The following MMAA variants were observed in gnomAD, a reference collection of about 807,000 sequenced individuals.
MMAA encodes the protein methylmalonic aciduria type A protein, mitochondrial.
MMAA carries 41 observed loss-of-function variants against 45.0 expected under a neutral mutation model. The observed-to-expected ratio is 0.91, with a 90% CI of 0.71 to 1.18. The LOEUF (loss-of-function observed/expected upper bound fraction) is 1.18, where lower values mean the gene tolerates loss of function less well. Among genes scored for constraint, MMAA ranks in the 50% most tolerant of loss-of-function variants. The pLI, the probability that MMAA is intolerant of heterozygous loss-of-function variation, is 0.00. For synonymous variants in MMAA, 154 were observed against 178.2 expected (o/e 0.86, Z 1.08); for missense variants, 460 against 495.7 (o/e 0.93, Z 0.68).
At chr4:145,649,924 T>A (rs1728043356) in intron 4 of MMAA, among the ~76,000 whole-genome samples, 1 of 152,122 alleles carries the variant, frequency 6.6e-6, no homozygotes, top group African/African-American at 2.4e-5. Context: ...ACTACAGGTA[T>A]ACCACCATGC....
intron 4 of MMAA, among the ~76,000 whole-genome samples, chr4:145,648,173 A>G (rs1445715750): frequency 1.5e-5 from 2 of 132,416 alleles, no homozygotes; most frequent in African/African-American, 5.9e-5. Context: ...TTAAAGACAG[A>G]GTCTCGCTCT....
intron 4 of MMAA, 130 bp downstream of exon 4, chr4:145,646,286 C>A: frequency 9.8e-7 from 1 of 1,023,876 alleles, no homozygotes; most frequent in Non-Finnish European, 1.5e-6. Flanking sequence ...ATATCCCATA[C>A]TCCCTAGAAG....
chr4:145,658,117 A>T lies in MMAA; in HGVS notation c.*2683A>T, dbSNP rs914301559. 2.0e-5 allele frequency: 3 copies of T among 153,318 alleles called. No homozygotes were observed. Among genetic ancestry groups the T allele is most frequent in the Non-Finnish European group, 4.3e-5 (3 of 68,972 alleles). 9.5% of individuals were successfully genotyped at this position (153,318 alleles called of 1,614,324 possible). A position where few individuals can be genotyped will look rare whatever the true frequency, so the allele number is the denominator to read the frequency against. ...GCCTGCTCCCCTTTCACCTTCTGCC[A>T]TGATTGTAAGCTTCCTGAGGCCTCC... On this transcript the variant is annotated 3_prime_UTR_variant, in exon 7 of 7. Transcript: ENST00000649156.
intron 1 of MMAA, among the ~76,000 whole-genome samples, chr4:145,621,143 C>T (rs1734080784): frequency 6.6e-6 from 1 of 152,184 alleles, no homozygotes; most frequent in South Asian, 2.1e-4. Context: ...CTCATGCATA[C>T]TCATTTATAC....
At chr4:145,630,728 C>CA (rs981182231) in intron 1 of MMAA, among the ~76,000 whole-genome samples, 10 of 147,394 alleles carry the variant, frequency 6.8e-5, no homozygotes, top group Non-Finnish European at 1.2e-4. Flanking sequence ...AACTCCATCT[C>CA]AAAAAAAAAA....
chr4:145,659,943 GA>G lies in MMAA; in HGVS notation c.*4510del, dbSNP rs1314748995. The G allele has an allele frequency of 6.6e-6, 1 of 151,764 alleles. No homozygotes were observed. Among genetic ancestry groups the G allele is most frequent in the African/African-American group, 2.4e-5 (1 of 41,280 alleles). 9.4% of individuals were successfully genotyped at this position (151,764 alleles called of 1,614,324 possible). On this transcript the variant is annotated 3_prime_UTR_variant, in exon 7 of 7. Coordinates refer to ENST00000649156, the MANE Select transcript of MMAA (RefSeq NM_172250.3). ...ATCTAGTTGTAACTTTGTACCCATT[GA>G]CCCCCCTTCCCTTCCTTCCACTCTC... is the stretch of plus-strand genomic sequence containing the variant.
At chr4:145,630,101 G>A (rs369239941) in intron 1 of MMAA, among the ~76,000 whole-genome samples, 15 of 152,212 alleles carry the variant, frequency 9.9e-5, no homozygotes, top group African/African-American at 3.6e-4. Flanking sequence ...TTAAATGTTT[G>A]ATAGAATTCA....
intron 2 of MMAA, 88 bp from the exon 3 acceptor site, chr4:145,642,275 A>G: frequency 1.4e-6 from 2 of 1,382,852 alleles, no homozygotes; most frequent in Non-Finnish European, 2.1e-6. Context: ...GGGGAAATAG[A>G]AGGTAGTCTA....
Position 145,637,793 on chromosome 4 carries a change from T to G in MMAA, c.-65-1282T>G, listed in dbSNP as rs544690094. Among the ~76,000 whole-genome samples, 4 of 152,266 alleles carry G rather than the reference T, an allele frequency of 2.6e-5. No individual in the cohort carries two copies. The South Asian group carries it at 8.3e-4, about 32-fold the overall frequency. On this transcript the variant is annotated intron_variant, in intron 1 of 6. Transcript: ENST00000649156. The stretch of plus-strand genomic sequence containing the variant: ...GGTGTAATTAAAATAAAAGCTAAGG[T>G]TAATTGAGCTCTTACTGCATGGTAG...
At chr4:145,648,417 A>T (rs1728000145) in intron 4 of MMAA, among the ~76,000 whole-genome samples, 1 of 152,102 alleles carries the variant, frequency 6.6e-6, no homozygotes, top group South Asian at 2.1e-4. Flanking sequence ...AAGTATTGGG[A>T]TTACAGGTGT....
At chr4:145,652,455 G>A (rs112227699) in intron 5 of MMAA, among the ~76,000 whole-genome samples, 6,817 of 152,136 alleles carry the variant, frequency 0.045, 436 homozygotes, top group African/African-American at 0.15. Flanking sequence ...TAGGCCGGGC[G>A]CAGTGGCTCA....
intron 1 of MMAA, chr4:145,625,602 G>A (rs1734183892): frequency 1.2e-6 from 1 of 804,700 alleles, no homozygotes; most frequent in Non-Finnish European, 2.2e-6. Flanking sequence ...GCACAGAGCA[G>A]TTGTGTCAGC....
At chr4:145,644,341 G>T (rs922139255) in intron 3 of MMAA, among the ~76,000 whole-genome samples, 1 of 152,204 alleles carries the variant, frequency 6.6e-6, no homozygotes, top group African/African-American at 2.4e-5. Context: ...AGTAAATAAG[G>T]AAGTTGATGT....
rs1474274957 is a variant in MMAA at position 145,654,015 on chromosome 4, G to A, written c.841G>A (p.Glu281Lys). ...TTAGGGTATCAAAAGGGGTATAATC[G>A]AGATGGCAGATCTGGTAGCTGTAAC... ...ELQGIKRGII[E>K]MADLVAVTKS... The change falls in exon 6 of 7, where the codon GAG becomes AAG. Residue 281 changes from glutamate (E) to lysine (K), a missense_variant. Physicochemically the swap from Glu to Lys is moderately conservative, Grantham distance 56. Transcript: ENST00000649156. The A allele has an allele frequency of 5.6e-6, 9 of 1,614,076 alleles. No individual in the cohort carries two copies. Among genetic ancestry groups the A allele is most frequent in the African/African-American group, 1.3e-5 (1 of 75,014 alleles).
intron 3 of MMAA, among the ~76,000 whole-genome samples, chr4:145,644,237 A>G (rs1727868090): frequency 6.6e-6 from 1 of 152,208 alleles, no homozygotes; most frequent in Admixed American, 6.5e-5. Context: ...TGGGATCTAT[A>G]GGATAGTAAT....
In MMAA at chr4:145,659,474, T is replaced by C. The variant is rs764715869; in HGVS notation, c.*4040T>C. On this transcript the variant is annotated 3_prime_UTR_variant, in exon 7 of 7. Transcript: ENST00000649156. ...TATTTTGCTTAGACCCCTCAGCTTC[T>C]TGATAGAGTGAGGTGAGGGCATATG... 1 of 152,192 alleles carries C rather than the reference T, an allele frequency of 6.6e-6. No homozygotes were observed. The allele number at this position is 152,192 out of a possible 1,614,324, so 9.4% of individuals were successfully genotyped here.
intron 4 of MMAA, chr4:145,650,236 A>G (rs1443143067): frequency 6.6e-6 from 1 of 152,140 alleles, no homozygotes; most frequent in African/African-American, 2.4e-5. Context: ...GATAAATGAG[A>G]GGTTAAAGAT....
chr4:145,656,089 A>G lies in MMAA; in HGVS notation c.*655A>G, dbSNP rs1251175817. The G allele has an allele frequency of 6.6e-6, 1 of 152,246 alleles. No individual in the cohort carries two copies. The highest frequency in any genetic ancestry group is 1.9e-4 in the East Asian group (1 of 5,202). The allele number at this position is 152,246 out of a possible 1,614,324, so 9.4% of individuals were successfully genotyped here. Reference sequence around the variant, plus strand: ...TCAGCTACAAATAAAATGGGTGACTAATCCCCAGTTCTTGGACCCATTATA... The same window carrying G: ...TCAGCTACAAATAAAATGGGTGACTGATCCCCAGTTCTTGGACCCATTATA... On this transcript the variant is annotated 3_prime_UTR_variant, in exon 7 of 7. Transcript: ENST00000649156.
In MMAA at chr4:145,655,460, T is replaced by C. The variant is rs779405529; in HGVS notation, c.*26T>C. The C allele has an allele frequency of 6.4e-7, 1 of 1,569,180 alleles. No homozygotes were observed. On this transcript the variant is annotated 3_prime_UTR_variant, in exon 7 of 7. Coordinates refer to ENST00000649156, the MANE Select transcript of MMAA (RefSeq NM_172250.3). ...TAAAATTCATCCTGTATAATAATTTTACATATCATTTCATAAAGTATTTTA... is the reference window on the plus strand; with the variant it reads ...TAAAATTCATCCTGTATAATAATTTCACATATCATTTCATAAAGTATTTTA...
Sources: allele counts gnomAD v4.1 joint callset (sites outside exome capture counted in the v4.1 genomes callset), GRCh38; gene constraint gnomAD v4.1.1; transcripts MANE v1.5; gene names NCBI Gene and HGNC (gene_info 2026-07-23, HGNC 2026-07-21).